SNX24: variants seen among roughly 807,000 people sequenced by gnomAD.
The protein encoded by SNX24 is sorting nexin-24.
SNX24 carries 22 observed loss-of-function variants against 28.7 expected under a neutral mutation model. The ratio of observed to expected loss-of-function variants is 0.77; its 90% CI spans 0.55 to 1.10. The LOEUF (loss-of-function observed/expected upper bound fraction) is 1.10, where lower values mean the gene tolerates loss of function less well. Among genes scored for constraint, SNX24 ranks in the 50% least tolerant of loss-of-function variants. The probability of loss-of-function intolerance (pLI) is 0.00; values close to 1 mark genes in which losing one functional copy is unlikely to be tolerated. For missense variants in SNX24, 221 were observed against 201.1 expected, an observed-to-expected ratio of 1.10 and a Z score of -0.60; for synonymous variants, 69 against 71.5, an observed-to-expected ratio of 0.96 and a Z score of 0.18.
chr5:122,895,486 G>A (rs1391616180), intron 1 of SNX24, among the ~76,000 whole-genome samples: 2 of 152,190 alleles, frequency 1.3e-5, no homozygotes, highest in African/African-American at 4.8e-5. Context: ...CAAGGGTGTA[G>A]GCAACCTTGG....
At chr5:122,990,408 A>G (rs1175078325) in intron 3 of SNX24, among the ~76,000 whole-genome samples, 1 of 152,206 alleles carries the variant, frequency 6.6e-6, no homozygotes, top group Non-Finnish European at 1.5e-5. Flanking sequence ...GTACAGTAAG[A>G]ATATATATAC....
chr5:122,988,351 T>A (rs1399905364), intron 3 of SNX24, among the ~76,000 whole-genome samples: 1 of 152,190 alleles, frequency 6.6e-6, no homozygotes, highest in Non-Finnish European at 1.5e-5. Context: ...ATCGTCCAGC[T>A]TTTTATTTTT....
intron 1 of SNX24, among the ~76,000 whole-genome samples, chr5:122,864,180 A>C (rs535989698): frequency 1.5e-4 from 23 of 152,054 alleles, no homozygotes; most frequent in Non-Finnish European, 3.1e-4. Context: ...AAGCTACTAT[A>C]GTATCCCAAG....
intron 1 of SNX24, among the ~76,000 whole-genome samples, chr5:122,913,609 C>T (rs1758015425): frequency 6.6e-6 from 1 of 152,140 alleles, no homozygotes; most frequent in Admixed American, 6.5e-5. Context: ...GGCGGAGGGT[C>T]TCCTCACTTC....
At chr5:122,973,691 C>T (rs1460595036) in intron 3 of SNX24, among the ~76,000 whole-genome samples, 2 of 152,186 alleles carry the variant, frequency 1.3e-5, no homozygotes, top group African/African-American at 4.8e-5. Flanking sequence ...CTAGATGGAT[C>T]AAAAAGCATC....
At chr5:122,996,768 C>A (rs1177263124) in intron 3 of SNX24, among the ~76,000 whole-genome samples, 1 of 152,154 alleles carries the variant, frequency 6.6e-6, no homozygotes, top group South Asian at 2.1e-4. Flanking sequence ...AGAATGAAAG[C>A]GATTAACCAT....
intron 1 of SNX24, among the ~76,000 whole-genome samples, chr5:122,879,376 G>T (rs1245289599): frequency 6.6e-6 from 1 of 152,174 alleles, no homozygotes; most frequent in Non-Finnish European, 1.5e-5. Context: ...GCAAACTTTA[G>T]CCCCTGTCGA....
chr5:122,977,771 G>A (rs1384826380), intron 3 of SNX24, among the ~76,000 whole-genome samples: 1 of 152,128 alleles, frequency 6.6e-6, no homozygotes, highest in East Asian at 1.9e-4. Context: ...GAGGAATTAG[G>A]TATACTTCTA....
chr5:122,947,342 C>G (rs1269366056), intron 3 of SNX24, among the ~76,000 whole-genome samples: 1 of 152,104 alleles, frequency 6.6e-6, no homozygotes, highest in African/African-American at 2.4e-5. Context: ...GGGAGGCTGA[C>G]TCCTCAGGCT....
intron 1 of SNX24, among the ~76,000 whole-genome samples, chr5:122,853,061 ATTAAATATTTGT>A (rs1754995769): frequency 2.0e-5 from 3 of 150,658 alleles, no homozygotes; most frequent in East Asian, 3.9e-4. Flanking sequence ...AGAAGCCCAC[ATTAAATATTTGT>A]TGAATGATTA....
At chr5:122,989,616 T>A (rs927393113) in intron 3 of SNX24, among the ~76,000 whole-genome samples, 2 of 152,226 alleles carry the variant, frequency 1.3e-5, no homozygotes, top group African/African-American at 4.8e-5. Flanking sequence ...CTCTTTGTTA[T>A]TTTTAGCTTG....
intron 3 of SNX24, among the ~76,000 whole-genome samples, chr5:122,964,295 A>G (rs1386480419): frequency 6.7e-6 from 1 of 148,798 alleles, no homozygotes. Flanking sequence ...TGAATCAGGG[A>G]CAGTTTTTGC....
intron 1 of SNX24, among the ~76,000 whole-genome samples, chr5:122,879,072 A>C (rs985726180): frequency 6.6e-6 from 1 of 152,244 alleles, no homozygotes; most frequent in South Asian, 2.1e-4. Flanking sequence ...GAATTGTAAT[A>C]ATATATTTGA....
At position 122,904,335 on chromosome 5, in the gene SNX24, G is replaced by A. The variant is rs370715795; in HGVS notation, c.61-32399G>A. Among the ~76,000 whole-genome samples, 235 of 151,822 alleles carry A rather than the reference G, an allele frequency of 1.5e-3. 2 individuals carry two copies. Among genetic ancestry groups the A allele is most frequent in the African/African-American group, 5.6e-3 (232 of 41,400 alleles). ...GTAGCTGGGATTACAGGCATGTGCCGCCACACCCTGCTAATTTTTGTATTT... is the reference window on the plus strand; with the variant it reads ...GTAGCTGGGATTACAGGCATGTGCCACCACACCCTGCTAATTTTTGTATTT... On this transcript the variant is annotated intron_variant, in intron 1 of 6. Transcript: ENST00000261369.
At chr5:123,002,297 G>T (rs1220437600) in intron 6 of SNX24, among the ~76,000 whole-genome samples, 1 of 152,094 alleles carries the variant, frequency 6.6e-6, no homozygotes, top group African/African-American at 2.4e-5. Context: ...GCCTCTGCTT[G>T]TTTTTGTCCA....
intron 1 of SNX24, among the ~76,000 whole-genome samples, chr5:122,908,342 G>A (rs566442127): frequency 6.6e-6 from 1 of 152,334 alleles, no homozygotes; most frequent in African/African-American, 2.4e-5. Flanking sequence ...CCCAGAGAGG[G>A]AAGGGAGAGA....
At chr5:122,982,675 A>G (rs989288975) in intron 3 of SNX24, among the ~76,000 whole-genome samples, 2 of 152,218 alleles carry the variant, frequency 1.3e-5, no homozygotes, top group Non-Finnish European at 2.9e-5. Context: ...ACAATGTAAT[A>G]TGTGTGTTTG....
intron 1 of SNX24, among the ~76,000 whole-genome samples, chr5:122,884,788 C>T (rs146764001): frequency 4.6e-5 from 7 of 152,014 alleles, no homozygotes; most frequent in African/African-American, 1.4e-4. Flanking sequence ...GAGTGGAGAG[C>T]GTCTCAGCTT....
intron 3 of SNX24, among the ~76,000 whole-genome samples, chr5:122,988,476 C>G (rs779447012): frequency 2.0e-5 from 3 of 152,194 alleles, no homozygotes; most frequent in Non-Finnish European, 4.4e-5. Context: ...TAAATTCTTG[C>G]TATCCCCCTT....
Sources: gnomAD v4.1 joint callset for allele counts (sites outside exome capture counted in the v4.1 genomes callset) on GRCh38, gnomAD v4.1.1 for gene constraint, MANE v1.5 for transcripts, NCBI Gene and HGNC (gene_info 2026-07-23, HGNC 2026-07-21) for gene names.